The following GPC5 variants were observed in gnomAD, a reference collection of about 807,000 sequenced individuals.
GPC5 encodes the protein glypican 5.
Under a neutral mutation model 53.9 loss-of-function variants are expected in GPC5, and 47 were observed. The ratio of observed to expected loss-of-function variants is 0.87; its 90% CI spans 0.69 to 1.11. GPC5 has a LOEUF of 1.11. Among genes scored for constraint, GPC5 ranks in the 50% most tolerant of loss-of-function variants. GPC5 has a pLI of 0.00. For synonymous variants in GPC5, 286 were observed against 263.3 expected, an observed-to-expected ratio of 1.09 and a Z score of -0.84; for missense variants, 748 against 713.1, an observed-to-expected ratio of 1.05 and a Z score of -0.56.
At chr13:92,069,289 A>G (rs1322122421) in intron 6 of GPC5, among the ~76,000 whole-genome samples, 1 of 152,086 alleles carries the variant, frequency 6.6e-6, no homozygotes, top group East Asian at 1.9e-4. Flanking sequence ...TTTCTGTTTC[A>G]AGATTATTTA....
intron 7 of GPC5, among the ~76,000 whole-genome samples, chr13:92,190,171 A>AATAAAAT (rs2042213494): frequency 6.6e-6 from 1 of 152,082 alleles, no homozygotes; most frequent in African/African-American, 2.4e-5. Flanking sequence ...AAGAAAGTGG[A>AATAAAAT]ATAAAATATT....
At chr13:92,311,723 A>G (rs186046451) in intron 7 of GPC5, among the ~76,000 whole-genome samples, 27 of 152,136 alleles carry the variant, frequency 1.8e-4, no homozygotes, top group Non-Finnish European at 2.9e-4. Context: ...GGAAAAACCC[A>G]CCCCTATGAT....
At chr13:91,965,269 AG>A (rs987988847) in intron 6 of GPC5, among the ~76,000 whole-genome samples, 1 of 152,150 alleles carries the variant, frequency 6.6e-6, no homozygotes, top group African/African-American at 2.4e-5. Context: ...CTAACTCATA[AG>A]TACTCAATAA....
rs1319795175 is a variant in GPC5, at chr13:92,572,404, A to C, written c.1562-293878A>C. Among the ~76,000 whole-genome samples the C allele has an allele frequency of 2.0e-5, 3 of 152,152 alleles. No homozygotes were observed. The East Asian group carries it at 5.8e-4, about 29-fold the overall frequency. On this transcript the variant is annotated intron_variant, in intron 7 of 7. Coordinates refer to ENST00000377067, the MANE Select transcript of GPC5 (RefSeq NM_004466.6). ...TGTTGGGACATTTTGGCCTTTCGCCAAAAGCTGAATACCATCATTCTTTGT... is the reference window on the plus strand; with the variant it reads ...TGTTGGGACATTTTGGCCTTTCGCCCAAAGCTGAATACCATCATTCTTTGT...
At chr13:91,569,437 T>G (rs1391136185) in intron 2 of GPC5, among the ~76,000 whole-genome samples, 1 of 152,148 alleles carries the variant, frequency 6.6e-6, no homozygotes, top group East Asian at 1.9e-4. Context: ...ACAGATATAC[T>G]CTACATCAGT....
intron 1 of GPC5, among the ~76,000 whole-genome samples, chr13:91,447,005 G>A (rs531403160): frequency 6.6e-6 from 1 of 152,316 alleles, no homozygotes; most frequent in East Asian, 1.9e-4. Flanking sequence ...GCCAGAGTGT[G>A]ATGGGAAGAG....
intron 7 of GPC5, among the ~76,000 whole-genome samples, chr13:92,199,222 T>C (rs1165818774): frequency 6.6e-6 from 1 of 152,200 alleles, no homozygotes; most frequent in Non-Finnish European, 1.5e-5. Context: ...GAAAATAATA[T>C]TTGAAAAGTG....
chr13:91,772,735 C>A (rs1211185415), intron 5 of GPC5, among the ~76,000 whole-genome samples: 1 of 152,118 alleles, frequency 6.6e-6, no homozygotes, highest in East Asian at 1.9e-4. Flanking sequence ...TTTCCCAAGC[C>A]TCAAGTGCAG....
Position 91,473,216 on chromosome 13 carries a change from C to T in GPC5, c.325+24294C>T, listed in dbSNP as rs1311126649. On this transcript the variant is annotated intron_variant, in intron 2 of 7. Coordinates refer to ENST00000377067, the MANE Select transcript of GPC5 (RefSeq NM_004466.6). ...CCCCCATGATCCTATCACATCCCTCCCTTGACACGTGGGGATTATAGATCT... is the reference window on the plus strand; with the variant it reads ...CCCCCATGATCCTATCACATCCCTCTCTTGACACGTGGGGATTATAGATCT... Among the ~76,000 whole-genome samples the T allele has an allele frequency of 2.0e-5, 3 of 152,098 alleles. No homozygotes were observed. In the East Asian group the frequency reaches 5.8e-4, roughly 29 times the overall value.
At chr13:91,760,772 G>A (rs2037393736) in intron 5 of GPC5, among the ~76,000 whole-genome samples, 2 of 152,244 alleles carry the variant, frequency 1.3e-5, no homozygotes, top group African/African-American at 4.8e-5. Context: ...TCACCTATGT[G>A]CTGATCAAAA....
intron 2 of GPC5, among the ~76,000 whole-genome samples, chr13:91,592,882 C>T (rs1197181221): frequency 6.6e-6 from 1 of 152,190 alleles, no homozygotes; most frequent in East Asian, 1.9e-4. Flanking sequence ...AGCTGTTCCC[C>T]AGTCCCATGG....
Position 92,655,329 on chromosome 13 carries a change from ATTTTATTTTTAT to A in GPC5, c.1562-210949_1562-210938del, listed in dbSNP as rs774988219. Among the ~76,000 whole-genome samples the A allele has an allele frequency of 9.2e-3, 1,283 of 139,268 alleles. 16 individuals are homozygous for A. Among genetic ancestry groups the A allele is most frequent in the Non-Finnish European group, 0.01 (644 of 63,032 alleles). 91.4% of individuals were successfully genotyped at this position (139,268 alleles called of 152,430 possible). Reference sequence around the variant, plus strand: ...TATTTATTTATTTATTTATTTATTTATTTTATTTTTATTTTATTTTTTGAGACAGAGTCTTAC... The same window carrying A: ...TATTTATTTATTTATTTATTTATTTATTTATTTTTTGAGACAGAGTCTTAC... On this transcript the variant is annotated intron_variant, in intron 7 of 7. Transcript: ENST00000377067.
intron 5 of GPC5, among the ~76,000 whole-genome samples, chr13:91,895,485 T>A (rs956858433): frequency 6.6e-6 from 1 of 152,188 alleles, no homozygotes; most frequent in African/African-American, 2.4e-5. Context: ...ACAGAAATGT[T>A]TTTTTGTGTA....
At chr13:92,173,742 A>G (rs1268461291) in intron 7 of GPC5, among the ~76,000 whole-genome samples, 1 of 152,172 alleles carries the variant, frequency 6.6e-6, no homozygotes. Flanking sequence ...CCTTACTAAG[A>G]CCCTTGATGT....
intron 4 of GPC5, among the ~76,000 whole-genome samples, chr13:91,738,805 T>C (rs1367920416): frequency 1.3e-5 from 2 of 151,306 alleles, no homozygotes; most frequent in South Asian, 4.1e-4. Flanking sequence ...CCCTCTTCCC[T>C]TTTTTTATGC....
intron 7 of GPC5, among the ~76,000 whole-genome samples, chr13:92,435,175 A>G (rs946180359): frequency 2.0e-5 from 3 of 152,182 alleles, no homozygotes; most frequent in Non-Finnish European, 4.4e-5. Context: ...TTGGCGTCCC[A>G]AAGTACTGGG....
intron 6 of GPC5, among the ~76,000 whole-genome samples, chr13:91,998,569 A>G (rs2040526128): frequency 6.6e-6 from 1 of 152,200 alleles, no homozygotes; most frequent in African/African-American, 2.4e-5. Context: ...TTTTCACCAT[A>G]GAACCACCTG....
intron 7 of GPC5, chr13:92,241,595 G>A (rs1195691030): frequency 1.3e-5 from 2 of 152,110 alleles, no homozygotes; most frequent in African/African-American, 4.8e-5. Context: ...TGTGGGATTG[G>A]CTATGACTAC....
chr13:92,677,546 A>C (rs372924472), intron 7 of GPC5, among the ~76,000 whole-genome samples: 2 of 152,206 alleles, frequency 1.3e-5, no homozygotes, highest in Non-Finnish European at 2.9e-5. Flanking sequence ...AAGAAGAGAT[A>C]ATTTAAAGAG....
Sources: gnomAD v4.1 joint callset for allele counts (sites outside exome capture counted in the v4.1 genomes callset) on GRCh38, gnomAD v4.1.1 for gene constraint, MANE v1.5 for transcripts, NCBI Gene and HGNC (gene_info 2026-07-23, HGNC 2026-07-21) for gene names.